The following ZFHX3 variants were observed in gnomAD, a reference collection of about 807,000 sequenced individuals.
ZFHX3 encodes zinc finger homeobox protein 3.
Under a neutral mutation model 279.1 loss-of-function variants are expected in ZFHX3, and 42 were observed. The observed-to-expected ratio is 0.15, with a 90% confidence interval of 0.12 to 0.19. The LOEUF is 0.19. Among genes scored for constraint, ZFHX3 ranks in the 10% least tolerant of loss-of-function variants. The probability of loss-of-function intolerance (pLI) is 1.00; values close to 1 mark genes in which losing one functional copy is unlikely to be tolerated. For missense variants in ZFHX3, 4,981 were observed against 4,754.0 expected (o/e 1.05, Z -1.40); for synonymous variants, 2,293 against 1,957.8 (o/e 1.17, Z -4.52).
intron 4 of ZFHX3, among the ~76,000 whole-genome samples, chr16:72,832,035 A>G (rs1250310360): frequency 1.3e-5 from 2 of 152,216 alleles, no homozygotes; most frequent in Non-Finnish European, 2.9e-5. Context: ...GTGCATACAT[A>G]TGACCACCTT....
chr16:73,644,972 T>C (rs2052605428), intron 2 of ZFHX3, among the ~76,000 whole-genome samples: 1 of 152,110 alleles, frequency 6.6e-6, no homozygotes, highest in African/African-American at 2.4e-5. Flanking sequence ...AATGAATGCA[T>C]TGATGAGGAA....
At position 72,787,772 on chromosome 16, in the gene ZFHX3, G is replaced by T. The variant is rs1374715179; in HGVS notation, c.10504C>A (p.Leu3502Ile). Residue 3502 changes from leucine (L) to isoleucine (I), a missense_variant, in exon 10 of 10, where the codon CTT (leucine) becomes ATT (isoleucine). Coordinates refer to ENST00000268489, the MANE Select transcript of ZFHX3 (RefSeq NM_006885.4). ...QSVVNLQEMVLHVPTGGGGGG... is the reference protein window; with the variant it reads ...QSVVNLQEMVIHVPTGGGGGG... ...CCGCCGCCGCCGGTGGGGACGTGAAGCACCATCTCTTGCAGGTTCACCACA... is the reference window on the plus strand; with the variant it reads ...CCGCCGCCGCCGGTGGGGACGTGAATCACCATCTCTTGCAGGTTCACCACA... The T allele has an allele frequency of 6.6e-7, 1 of 1,513,440 alleles. No individual in the cohort carries two copies. Among genetic ancestry groups the T allele is most frequent in the Non-Finnish European group, 8.8e-7 (1 of 1,130,134 alleles). The allele number at this position is 1,513,440 out of a possible 1,614,324, so 93.8% of individuals were successfully genotyped here. A position where few individuals can be genotyped will look rare whatever the true frequency, so the allele number is the denominator to read the frequency against.
intron 3 of ZFHX3, among the ~76,000 whole-genome samples, chr16:72,908,513 C>G (rs1434083672): frequency 6.6e-6 from 1 of 152,172 alleles, no homozygotes; most frequent in African/African-American, 2.4e-5. Context: ...ACTGACTACA[C>G]AAAGAGGAAT....
intron 3 of ZFHX3, among the ~76,000 whole-genome samples, chr16:73,411,208 C>A (rs2017458720): frequency 6.6e-6 from 1 of 152,326 alleles, no homozygotes; most frequent in Non-Finnish European, 1.5e-5. Flanking sequence ...GAATTTCCGA[C>A]TTTAGAACCT....
chr16:72,919,586 A>G (rs2039530083), intron 3 of ZFHX3, among the ~76,000 whole-genome samples: 1 of 152,012 alleles, frequency 6.6e-6, no homozygotes, highest in Non-Finnish European at 1.5e-5. Flanking sequence ...GCAGTACAGA[A>G]AGAAATGTAT....
At chr16:73,578,113 A>G (rs2051819849) in intron 2 of ZFHX3, among the ~76,000 whole-genome samples, 1 of 152,238 alleles carries the variant, frequency 6.6e-6, no homozygotes, top group African/African-American at 2.4e-5. Flanking sequence ...GCTCAGATTC[A>G]TAGGATGCTG....
At chr16:72,974,213 G>C (rs1962240349) in intron 1 of ZFHX3, among the ~76,000 whole-genome samples, 1 of 152,226 alleles carries the variant, frequency 6.6e-6, no homozygotes, top group Non-Finnish European at 1.5e-5. Context: ...AACAAATGAA[G>C]AACATGGTAC....
intron 2 of ZFHX3, among the ~76,000 whole-genome samples, chr16:73,484,551 G>A (rs912680588): frequency 2.0e-5 from 3 of 152,166 alleles, no homozygotes; most frequent in African/African-American, 2.4e-5. Context: ...ATGAGTAAAT[G>A]AGGCAGAATG....
At chr16:72,918,985 C>T (rs146713158) in intron 3 of ZFHX3, among the ~76,000 whole-genome samples, 1,998 of 151,704 alleles carry the variant, frequency 0.013, 34 homozygotes, top group African/African-American at 0.043. Flanking sequence ...CGTGAGCCAC[C>T]GCACCCGGCC....
In ZFHX3 at chr16:73,662,452, T is replaced by A. The variant is rs537333103; in HGVS notation, c.-1547+17728A>T. 1.4e-3 allele frequency among the ~76,000 whole-genome samples: 209 copies of A among 151,150 alleles called. 1 individual carries two copies. Among genetic ancestry groups the A allele is most frequent in the Non-Finnish European group, 2.2e-3 (151 of 67,828 alleles). Reference sequence around the variant, plus strand: ...TGCACGTATATACATAACATACATATGGGATGTCAGAAAACACTTTCGATT... The same window carrying A: ...TGCACGTATATACATAACATACATAAGGGATGTCAGAAAACACTTTCGATT... On this transcript the variant is annotated intron_variant, in intron 2 of 17. Transcript: ENST00000641206.
At chr16:73,225,227 C>A (rs556144575) in intron 5 of ZFHX3, among the ~76,000 whole-genome samples, 43 of 152,062 alleles carry the variant, frequency 2.8e-4, no homozygotes, top group Non-Finnish European at 6.0e-4. Context: ...TTTTTTGGGA[C>A]AAATACGGAA....
At chr16:73,164,516 A>G (rs866592820) in intron 5 of ZFHX3, among the ~76,000 whole-genome samples, 16 of 152,148 alleles carry the variant, frequency 1.1e-4, no homozygotes, top group Admixed American at 7.2e-4. Context: ...CCTGACCAAC[A>G]TGGGGATATC....
At chr16:73,586,422 AAAC>A (rs1426012584) in intron 2 of ZFHX3, among the ~76,000 whole-genome samples, 18 of 149,836 alleles carry the variant, frequency 1.2e-4, no homozygotes, top group Middle Eastern at 3.4e-3. Context: ...ACAAACAAAC[AAAC>A]AAAAAAACAT....
At chr16:73,866,753 G>A (rs1208695923) in intron 1 of ZFHX3, among the ~76,000 whole-genome samples, 1 of 152,186 alleles carries the variant, frequency 6.6e-6, no homozygotes, top group Non-Finnish European at 1.5e-5. Flanking sequence ...GAGTTTATTT[G>A]GGAGGTAAAC....
chr16:72,952,547 C>T (rs966120862), intron 2 of ZFHX3, among the ~76,000 whole-genome samples: 3 of 152,188 alleles, frequency 2.0e-5, no homozygotes. Context: ...ACAGAGTGCA[C>T]AGACGCCCAA....
Position 72,784,677 on chromosome 16 carries a change from A to G in ZFHX3, c.*2487T>C, listed in dbSNP as rs779887262. On this transcript the variant is annotated 3_prime_UTR_variant, in exon 10 of 10. Coordinates refer to ENST00000268489, the MANE Select transcript of ZFHX3 (RefSeq NM_006885.4). ...ATACAAGATTTCTTGTTAAAAGGAA[A>G]TAGCTTGTTAAAACAGTAAATGTTT... 2.0e-5 allele frequency: 3 copies of G among 152,562 alleles called. No homozygotes were observed. The highest frequency in any genetic ancestry group is 2.9e-5 in the Non-Finnish European group (2 of 68,020). 9.5% of individuals were successfully genotyped at this position (152,562 alleles called of 1,614,324 possible).
intron 1 of ZFHX3, among the ~76,000 whole-genome samples, chr16:73,834,301 G>T (rs961306945): frequency 5.9e-5 from 9 of 152,188 alleles, no homozygotes; most frequent in African/African-American, 1.9e-4. Flanking sequence ...AGTGGTAAGA[G>T]CAACAGATGA....
chr16:72,811,393 G>C (rs1378885611), intron 7 of ZFHX3, among the ~76,000 whole-genome samples, 184 bp downstream of exon 7: 1 of 152,186 alleles, frequency 6.6e-6, no homozygotes, highest in Admixed American at 6.5e-5. Flanking sequence ...CAGCACTTTG[G>C]GCTATGGTCA....
chr16:73,404,500 C>A (rs141308214), intron 3 of ZFHX3, among the ~76,000 whole-genome samples: 1 of 152,282 alleles, frequency 6.6e-6, no homozygotes, highest in East Asian at 1.9e-4. Flanking sequence ...GTCTAAGCAG[C>A]CGCAAAGAGA....
Sources: allele counts gnomAD v4.1 joint callset (sites outside exome capture counted in the v4.1 genomes callset), GRCh38; gene constraint gnomAD v4.1.1; transcripts MANE v1.5; gene names NCBI Gene and HGNC (gene_info 2026-07-23, HGNC 2026-07-21).